The following FREM1 variants were observed in gnomAD, a reference collection of about 807,000 sequenced individuals.
The protein encoded by FREM1 is FRAS1 related extracellular matrix 1.
A neutral mutation model predicts 210.1 loss-of-function variants in FREM1; 220 were observed. The observed-to-expected ratio is 1.05, with a 90% CI of 0.94 to 1.17. The LOEUF (loss-of-function observed/expected upper bound fraction) is 1.17. FREM1 is among the 50% of genes most tolerant of loss of function. FREM1 has a pLI of 0.00. For synonymous variants in FREM1, 1,189 were observed against 980.2 expected, an observed-to-expected ratio of 1.21 and a Z score of -3.98; for missense variants, 3,454 against 2,675.5, an observed-to-expected ratio of 1.29 and a Z score of -6.42.
chr9:14,823,907 G>C, intron 12 of FREM1, 118 bp downstream of exon 12: 1 of 504,084 alleles, frequency 2.0e-6, no homozygotes, highest in Non-Finnish European at 3.5e-6. Context: ...CAAGTATAAA[G>C]ATGTCAAGTC....
chr9:14,852,586 C>T (rs939892704), intron 5 of FREM1, among the ~76,000 whole-genome samples: 6 of 152,116 alleles, frequency 3.9e-5, no homozygotes, highest in African/African-American at 1.2e-4. Flanking sequence ...GCCAATTACT[C>T]GAGTGGCTGA....
chr9:14,798,293 T>G (rs1235969434), intron 20 of FREM1, among the ~76,000 whole-genome samples: 2 of 152,226 alleles, frequency 1.3e-5, no homozygotes, highest in African/African-American at 4.8e-5. Context: ...TTTAAAGTTG[T>G]ATTTTAAAGA....
At chr9:14,837,277 C>A (rs896031423) in intron 10 of FREM1, among the ~76,000 whole-genome samples, 1 of 152,182 alleles carries the variant, frequency 6.6e-6, no homozygotes. Flanking sequence ...CCTCCTCCAG[C>A]CTCTGCATAT....
At chr9:14,875,445 C>T (rs1386474742) in intron 1 of FREM1, among the ~76,000 whole-genome samples, 1 of 152,250 alleles carries the variant, frequency 6.6e-6, no homozygotes, top group East Asian at 1.9e-4. Flanking sequence ...TCACTGATAC[C>T]CTTTCTTCCA....
chr9:14,738,210 G>A (rs536936331), intron 36 of FREM1, among the ~76,000 whole-genome samples: 2 of 152,052 alleles, frequency 1.3e-5, no homozygotes, highest in Non-Finnish European at 2.9e-5. Flanking sequence ...ATGTTGTAAA[G>A]CTTCTGTAAT....
intron 36 of FREM1, among the ~76,000 whole-genome samples, chr9:14,739,129 G>C (rs1037700125): frequency 6.6e-6 from 1 of 151,406 alleles, no homozygotes; most frequent in Non-Finnish European, 1.5e-5. Context: ...TTTGAGACAG[G>C]GTCTTGCTCT....
At chr9:14,748,722 C>T in intron 30 of FREM1, 83 bp from the exon 31 acceptor site, 2 of 896,622 alleles carry the variant, frequency 2.2e-6, no homozygotes, top group Non-Finnish European at 3.5e-6. Flanking sequence ...CCTGGAGCAG[C>T]TTGTCATTAA....
intron 1 of FREM1, among the ~76,000 whole-genome samples, chr9:14,904,592 T>TC (rs1360845648): frequency 4.6e-5 from 7 of 152,310 alleles, no homozygotes; most frequent in African/African-American, 1.7e-4. Flanking sequence ...ACTTGATGGT[T>TC]CCAGGGTGCA....
intron 10 of FREM1, among the ~76,000 whole-genome samples, chr9:14,827,674 A>G (rs1365916563): frequency 6.6e-6 from 1 of 152,252 alleles, no homozygotes; most frequent in Admixed American, 6.5e-5. Context: ...CTATTTATCA[A>G]GACAATGGAA....
At chr9:14,837,220 A>C (rs1824797245) in intron 10 of FREM1, among the ~76,000 whole-genome samples, 1 of 152,158 alleles carries the variant, frequency 6.6e-6, no homozygotes, top group Admixed American at 6.5e-5. Flanking sequence ...CATGAATGAC[A>C]TGCCTGGTCA....
intron 20 of FREM1, among the ~76,000 whole-genome samples, chr9:14,798,052 T>A (rs1488771071): frequency 1.3e-5 from 2 of 152,142 alleles, no homozygotes; most frequent in Non-Finnish European, 2.9e-5. Flanking sequence ...ACTGTTTTTT[T>A]TAAATCTACC....
chr9:14,891,228 A>G (rs1439774943), intron 1 of FREM1, among the ~76,000 whole-genome samples: 2 of 152,226 alleles, frequency 1.3e-5, no homozygotes, highest in Non-Finnish European at 2.9e-5. Flanking sequence ...TTTGAGACCA[A>G]TTCAATTTTC....
chr9:14,739,042 T>C (rs954804396), intron 36 of FREM1, among the ~76,000 whole-genome samples: 54 of 151,252 alleles, frequency 3.6e-4, no homozygotes, highest in African/African-American at 1.3e-3. Context: ...TTTATTATTG[T>C]TAAAACTGTA....
chr9:14,808,153 G>A lies in FREM1; in HGVS notation c.2894-19C>T, dbSNP rs778740454. On this transcript the variant is annotated intron_variant, in intron 16 of 36. Coordinates refer to ENST00000380880, the MANE Select transcript of FREM1 (RefSeq NM_001379081.2). Reference sequence around the variant, plus strand: ...TCGCCACCTGGAAGACACAACTATAGCTGAAACCTGCCTTTTAAAAAATAT... The same window carrying A: ...TCGCCACCTGGAAGACACAACTATAACTGAAACCTGCCTTTTAAAAAATAT... 6.6e-7 allele frequency: 1 copy of A among 1,506,918 alleles called. No homozygotes were observed. The allele number at this position is 1,506,918 out of a possible 1,614,324, so 93.3% of individuals were successfully genotyped here. A position where few individuals can be genotyped will look rare whatever the true frequency, so the allele number is the denominator to read the frequency against.
intron 16 of FREM1, among the ~76,000 whole-genome samples, chr9:14,810,538 A>T (rs995630839): frequency 6.6e-6 from 1 of 152,060 alleles, no homozygotes; most frequent in African/African-American, 2.4e-5. Flanking sequence ...TCTAGGTTCC[A>T]CCTCCTGGGC....
chr9:14,883,365 T>A (rs1302197571), intron 1 of FREM1, among the ~76,000 whole-genome samples: 2 of 152,104 alleles, frequency 1.3e-5, no homozygotes, highest in African/African-American at 4.8e-5. Flanking sequence ...TTAGAAGCAA[T>A]AAAGATCAAA....
Position 14,750,093 on chromosome 9 carries a change from G to A in FREM1, c.5557+34C>T, listed in dbSNP as rs183565231. 934 of 1,609,068 alleles carry A rather than the reference G, an allele frequency of 5.8e-4. 1 individual carries two copies. Among genetic ancestry groups the A allele is most frequent in the South Asian group, 1.8e-3 (159 of 89,950 alleles). The stretch of plus-strand genomic sequence containing the variant: ...AGGCAAGAGCTACAGCGCCAGGACC[G>A]CTCCTGATTTCAAGATGAGGATCAA... On this transcript the variant is annotated intron_variant, in intron 30 of 36. Transcript: ENST00000380880.
At position 14,776,440 on chromosome 9, in the gene FREM1, A is replaced by G. The variant is rs117397613; in HGVS notation, c.4443-237T>C. 9.4e-3 allele frequency among the ~76,000 whole-genome samples: 1,434 copies of G among 152,354 alleles called. 10 individuals carry two copies. The highest frequency in any genetic ancestry group is 0.016 in the Non-Finnish European group (1,117 of 68,034). On this transcript the variant is annotated intron_variant, in intron 24 of 36. Transcript: ENST00000380880. Reference sequence around the variant, plus strand: ...TCCCAACAACATTAATGACAGACCCATGTGATGGAACAGGGAAATTCTGAC... The same window carrying G: ...TCCCAACAACATTAATGACAGACCCGTGTGATGGAACAGGGAAATTCTGAC...
chr9:14,841,622 T>C (rs772188875), intron 9 of FREM1, 33 bp from the exon 10 acceptor site: 1 of 1,501,534 alleles, frequency 6.7e-7, no homozygotes, highest in South Asian at 1.4e-5. Context: ...CATACTTTTG[T>C]ACAAGCCTAT....
Sources: allele counts gnomAD v4.1 joint callset (sites outside exome capture counted in the v4.1 genomes callset), GRCh38; gene constraint gnomAD v4.1.1; transcripts MANE v1.5; gene names NCBI Gene and HGNC (gene_info 2026-07-23, HGNC 2026-07-21).